Variants in CLSTN2 observed in about 807,000 individuals in gnomAD.
The protein encoded by CLSTN2 is calsyntenin 2.
Under a neutral mutation model 101.2 loss-of-function variants are expected in CLSTN2, and 48 were observed. The ratio of observed to expected loss-of-function variants is 0.47; its 90% CI spans 0.38 to 0.60. The LOEUF (loss-of-function observed/expected upper bound fraction) is 0.60, where lower values mean the gene tolerates loss of function less well. Among genes scored for constraint, CLSTN2 ranks in the 20% least tolerant of loss-of-function variants. The pLI is 0.00. For synonymous variants in CLSTN2, 481 were observed against 463.6 expected, an observed-to-expected ratio of 1.04 and a Z score of -0.48; for missense variants, 1,160 against 1,238.2, an observed-to-expected ratio of 0.94 and a Z score of 0.95.
At chr3:140,280,761 A>G (rs1435602764) in intron 2 of CLSTN2, among the ~76,000 whole-genome samples, 2 of 152,186 alleles carry the variant, frequency 1.3e-5, no homozygotes, top group African/African-American at 4.8e-5. Flanking sequence ...GCACAGGTGT[A>G]GGTGCACAGG....
chr3:140,172,645 AAAAG>A (rs2010257602), intron 1 of CLSTN2, among the ~76,000 whole-genome samples: 1 of 152,218 alleles, frequency 6.6e-6, no homozygotes, highest in South Asian at 2.1e-4. Context: ...GGCAATTTAC[AAAAG>A]AAAGAGGTTT....
chr3:140,209,008 G>T (rs182297349), intron 2 of CLSTN2, among the ~76,000 whole-genome samples: 3 of 152,164 alleles, frequency 2.0e-5, no homozygotes, highest in African/African-American at 7.2e-5. Flanking sequence ...CCAGTGTGTA[G>T]TAACCCCAAG....
chr3:140,469,985 T>C lies in CLSTN2; in HGVS notation c.1344+3254T>C, dbSNP rs138068443. 5.8e-3 allele frequency among the ~76,000 whole-genome samples: 886 copies of C among 152,346 alleles called. 7 individuals are homozygous for C. The highest frequency in any genetic ancestry group is 8.7e-3 in the Non-Finnish European group (595 of 68,034). On this transcript the variant is annotated intron_variant, in intron 8 of 16. Transcript: ENST00000458420. ...GTTCATCTTTGATCTTGATGTCTTA[T>C]TTCAGGATCTTACTAGATTTACCAC... is the stretch of plus-strand genomic sequence containing the variant.
chr3:140,336,592 C>A (rs2087441776), intron 2 of CLSTN2, among the ~76,000 whole-genome samples: 1 of 152,112 alleles, frequency 6.6e-6, no homozygotes. Flanking sequence ...TCATAGAGAC[C>A]CCACCTAGCC....
chr3:140,157,035 C>A (rs937707416), intron 1 of CLSTN2, among the ~76,000 whole-genome samples: 10 of 152,094 alleles, frequency 6.6e-5, no homozygotes, highest in African/African-American at 2.2e-4. Flanking sequence ...CTTGCCCCTG[C>A]CCTTTGTAGA....
rs199508939 is a variant in CLSTN2 at position 140,564,044 on chromosome 3, C to T, written c.2566C>T (p.Arg856Trp). The T allele has an allele frequency of 2.4e-5, 39 of 1,614,074 alleles. No homozygotes were observed. Among genetic ancestry groups the T allele is most frequent in the East Asian group, 2.0e-4 (9 of 44,866 alleles). Residue 856 changes from arginine to tryptophan, a missense_variant, in exon 16 of 17, where the codon CGG (arginine) becomes TGG (tryptophan). Coordinates refer to ENST00000458420, the MANE Select transcript of CLSTN2 (RefSeq NM_022131.3). Reference sequence around the variant, plus strand: ...CGTGGCCATGGGTGTGTACCGGGTCCGGATCGCCCACCAGCACTTCATCCA... The same window carrying T: ...CGTGGCCATGGGTGTGTACCGGGTCTGGATCGCCCACCAGCACTTCATCCA... ...FVVAMGVYRV[R>W]IAHQHFIQET...
intron 2 of CLSTN2, among the ~76,000 whole-genome samples, chr3:140,303,812 A>T (rs931510192): frequency 2.6e-5 from 4 of 151,966 alleles, no homozygotes; most frequent in African/African-American, 9.7e-5. Flanking sequence ...GGCCAGATGC[A>T]TGAGGAGACC....
chr3:140,331,650 G>A (rs1001069024), intron 2 of CLSTN2, among the ~76,000 whole-genome samples: 2 of 152,200 alleles, frequency 1.3e-5, no homozygotes, highest in Middle Eastern at 3.4e-3. Flanking sequence ...GGCTTGTTGT[G>A]GTCCTCAGTC....
intron 1 of CLSTN2, among the ~76,000 whole-genome samples, chr3:139,941,929 T>A (rs1935138681): frequency 6.6e-6 from 1 of 152,128 alleles, no homozygotes; most frequent in African/African-American, 2.4e-5. Context: ...AGGAGGTAAA[T>A]CTACAATCTT....
chr3:140,302,800 G>A (rs1020415223), intron 2 of CLSTN2, among the ~76,000 whole-genome samples: 3 of 152,190 alleles, frequency 2.0e-5, no homozygotes, highest in East Asian at 1.9e-4. Context: ...CCAGGTGGGA[G>A]GGTTGGAGAC....
intron 2 of CLSTN2, among the ~76,000 whole-genome samples, chr3:140,299,673 A>C (rs998728314): frequency 7.2e-5 from 11 of 152,210 alleles, no homozygotes; most frequent in Non-Finnish European, 1.6e-4. Context: ...TTTGCTCTGC[A>C]TCATGAAGGA....
At chr3:140,191,508 C>T (rs2010565594) in intron 2 of CLSTN2, among the ~76,000 whole-genome samples, 1 of 151,854 alleles carries the variant, frequency 6.6e-6, no homozygotes, top group Non-Finnish European at 1.5e-5. Flanking sequence ...TGTTAAAATT[C>T]CCCAGTGAAA....
At chr3:139,964,907 G>A (rs1935567183) in intron 1 of CLSTN2, among the ~76,000 whole-genome samples, 2 of 152,092 alleles carry the variant, frequency 1.3e-5, no homozygotes, top group Admixed American at 6.6e-5. Flanking sequence ...TTCAATTGGG[G>A]AATGACCTGT....
At chr3:140,253,260 C>G (rs1332904729) in intron 2 of CLSTN2, among the ~76,000 whole-genome samples, 2 of 152,036 alleles carry the variant, frequency 1.3e-5, no homozygotes, top group African/African-American at 4.8e-5. Flanking sequence ...AAGGTAGGGG[C>G]TAGTCAAGGT....
intron 4 of CLSTN2, among the ~76,000 whole-genome samples, chr3:140,412,335 TG>T (rs2088374659): frequency 6.6e-6 from 1 of 152,154 alleles, no homozygotes. Flanking sequence ...TTTTAATTGT[TG>T]GCTTTAAAAC....
chr3:140,521,098 C>G (rs1229682854), intron 8 of CLSTN2, among the ~76,000 whole-genome samples: 4 of 147,284 alleles, frequency 2.7e-5, no homozygotes, highest in African/African-American at 1.0e-4. Context: ...TTTAGCTCAG[C>G]AAAGTTCATT....
Position 140,345,264 on chromosome 3 carries a change from T to TTG in CLSTN2, c.233-58364_233-58363dup, listed in dbSNP as rs1553734453. On this transcript the variant is annotated intron_variant, in intron 2 of 16. Coordinates refer to ENST00000458420, the MANE Select transcript of CLSTN2 (RefSeq NM_022131.3). ...TATAGCCTTTTTTTCTTTTTTTTTT[T>TTG]TGAGACAGAGTTTCACTCTTGTTGC... is the stretch of plus-strand genomic sequence containing the variant. Among the ~76,000 whole-genome samples, 12 of 149,712 alleles carry TTG rather than the reference T, an allele frequency of 8.0e-5. 1 individual carries two copies. Among genetic ancestry groups the TTG allele is most frequent in the Non-Finnish European group, 1.5e-4 (10 of 67,050 alleles).
At chr3:140,196,824 C>G (rs1258307234) in intron 2 of CLSTN2, among the ~76,000 whole-genome samples, 5 of 152,208 alleles carry the variant, frequency 3.3e-5, no homozygotes, top group Non-Finnish European at 7.3e-5. Context: ...ATCACAATAG[C>G]AACATGGTTA....
At chr3:140,517,691 G>A (rs375470542) in intron 8 of CLSTN2, among the ~76,000 whole-genome samples, 62 of 152,312 alleles carry the variant, frequency 4.1e-4, no homozygotes, top group East Asian at 2.3e-3. Flanking sequence ...TCTCTCGGCC[G>A]TGGACACCAG....
Sources: gnomAD v4.1 joint callset for allele counts (sites outside exome capture counted in the v4.1 genomes callset) on GRCh38, gnomAD v4.1.1 for gene constraint, MANE v1.5 for transcripts, NCBI Gene and HGNC (gene_info 2026-07-23, HGNC 2026-07-21) for gene names.